STARD13: variants seen among roughly 807,000 people sequenced by gnomAD.
STARD13 encodes the protein stAR-related lipid transfer protein 13.
A neutral mutation model predicts 106.4 loss-of-function variants in STARD13; 62 were observed. That is an observed-to-expected ratio of 0.58 (90% CI 0.48 to 0.72). The LOEUF (loss-of-function observed/expected upper bound fraction) is 0.72. Among genes scored for constraint, STARD13 ranks in the 30% least tolerant of loss-of-function variants. The pLI, the probability that STARD13 is intolerant of heterozygous loss-of-function variation, is 0.00. For missense variants in STARD13, 1,387 were observed against 1,424.0 expected (o/e 0.97, Z 0.42); for synonymous variants, 565 against 553.0 (o/e 1.02, Z -0.31).
intron 5 of STARD13, among the ~76,000 whole-genome samples, chr13:33,128,375 C>G (rs1322487395): frequency 6.6e-6 from 1 of 152,192 alleles, no homozygotes; most frequent in Non-Finnish European, 1.5e-5. Flanking sequence ...ACCCTTGCCT[C>G]AACCAGAAAC....
chr13:33,379,931 A>C, the STARD13 span, among the ~76,000 whole-genome samples: 2 of 152,234 alleles, frequency 1.3e-5, no homozygotes, highest in Admixed American at 6.5e-5. Flanking sequence ...CTAAGGATGA[A>C]AAATGAATAT....
intron 1 of STARD13, among the ~76,000 whole-genome samples, chr13:33,284,843 C>T (rs906121121): frequency 6.6e-6 from 1 of 151,936 alleles, no homozygotes; most frequent in Non-Finnish European, 1.5e-5. Context: ...ATTCTCTTCT[C>T]TTTGCATTAG....
chr13:33,475,756 G>C, the STARD13 span, among the ~76,000 whole-genome samples: 1 of 152,118 alleles, frequency 6.6e-6, no homozygotes, highest in Non-Finnish European at 1.5e-5. Flanking sequence ...AAGAGATCAA[G>C]ACCATCCTGG....
chr13:33,598,126 C>A, the STARD13 span, among the ~76,000 whole-genome samples: 1 of 152,160 alleles, frequency 6.6e-6, no homozygotes, highest in East Asian at 1.9e-4. Context: ...ACCCTAATGT[C>A]AATGTCCTTT....
chr13:33,129,704 A>G lies in STARD13; in HGVS notation c.973T>C (p.Cys325Arg), dbSNP rs148607259. The G allele has an allele frequency of 6.8e-6, 11 of 1,614,114 alleles. No homozygotes were observed. Among genetic ancestry groups the G allele is most frequent in the East Asian group, 2.2e-5 (1 of 44,884 alleles). Residue 325 changes from cysteine (C) to arginine (R), a missense_variant, in exon 5 of 14, where the codon TGC (cysteine) becomes CGC (arginine). By Grantham distance (180) the Cys-to-Arg change is radical (BLOSUM62 -3). Transcript: ENST00000336934. ...CTCTCGCCACTCGACTTGCCAGAGC[A>G]TGGGAGCCCTTTTCTGCAGGCAGGT... ...PPPACRKGLP[C>R]SGKSSGESSP...
At chr13:33,308,520 C>CTTTTTTTTTTTTTTTCTTTTT (rs1893004253) in intron 1 of STARD13, among the ~76,000 whole-genome samples, 1 of 88,554 alleles carries the variant, frequency 1.1e-5, no homozygotes, top group Non-Finnish European at 2.1e-5. Flanking sequence ...CTTTTTCTTT[C>CTTTTTTTTTTTTTTTCTTTTT]TTTTTTTTTT....
At chr13:33,548,652 TAAG>T in the STARD13 span, among the ~76,000 whole-genome samples, 28 of 152,270 alleles carry the variant, frequency 1.8e-4, no homozygotes, top group Non-Finnish European at 3.4e-4. Flanking sequence ...CAGGAATGCT[TAAG>T]AAGATTATAC....
chr13:33,257,594 G>GA (rs1395482219), intron 1 of STARD13, among the ~76,000 whole-genome samples: 1 of 151,760 alleles, frequency 6.6e-6, no homozygotes, highest in African/African-American at 2.4e-5. Flanking sequence ...AGGCAGATTT[G>GA]AAAAAAATGT....
At chr13:33,613,951 A>G in the STARD13 span, among the ~76,000 whole-genome samples, 32 of 152,158 alleles carry the variant, frequency 2.1e-4, no homozygotes, top group African/African-American at 7.2e-4. Flanking sequence ...TGAGATTACA[A>G]AGAAACACAC....
chr13:33,202,382 C>T (rs936302818), intron 1 of STARD13, among the ~76,000 whole-genome samples: 1 of 152,198 alleles, frequency 6.6e-6, no homozygotes, highest in Non-Finnish European at 1.5e-5. Context: ...TACCAGGGTT[C>T]TGTCCCAGAA....
the STARD13 span, among the ~76,000 whole-genome samples, chr13:33,446,676 G>A: frequency 4.6e-5 from 7 of 152,092 alleles, no homozygotes; most frequent in African/African-American, 1.7e-4. Flanking sequence ...TTTGGTGTAT[G>A]TATATTAGCG....
chr13:33,187,842 C>T (rs1885913593), intron 1 of STARD13, among the ~76,000 whole-genome samples: 1 of 152,028 alleles, frequency 6.6e-6, no homozygotes, highest in Admixed American at 6.6e-5. Context: ...GCCACCACAC[C>T]CAGCTAATTT....
intron 1 of STARD13, chr13:33,273,995 C>A (rs1891288384): frequency 6.6e-6 from 1 of 151,922 alleles, no homozygotes; most frequent in Non-Finnish European, 1.5e-5. Context: ...TAATATCGAT[C>A]TTCAAGGGAG....
At chr13:33,650,309 G>A in the STARD13 span, among the ~76,000 whole-genome samples, 1 of 144,706 alleles carries the variant, frequency 6.9e-6, no homozygotes, top group Admixed American at 7.0e-5. Context: ...TCCTGCCTCA[G>A]CCTCCCAAGT....
the STARD13 span, among the ~76,000 whole-genome samples, chr13:33,497,804 G>C: frequency 6.6e-6 from 1 of 152,134 alleles, no homozygotes; most frequent in African/African-American, 2.4e-5. Context: ...GGTGAAGGTG[G>C]AATTAGACGT....
At chr13:33,612,468 C>G in the STARD13 span, among the ~76,000 whole-genome samples, 15 of 152,270 alleles carry the variant, frequency 9.9e-5, no homozygotes, top group East Asian at 2.3e-3. Context: ...GATCCACACT[C>G]AAGATGGGAA....
intron 1 of STARD13, among the ~76,000 whole-genome samples, chr13:33,187,770 C>G (rs1195981291): frequency 2.0e-5 from 3 of 152,118 alleles, no homozygotes; most frequent in African/African-American, 7.2e-5. Context: ...GTAACCTCCG[C>G]CTCCCAGGTT....
At chr13:33,320,860 T>C (rs555258980) in intron 1 of STARD13, among the ~76,000 whole-genome samples, 5 of 152,258 alleles carry the variant, frequency 3.3e-5, no homozygotes, top group South Asian at 2.1e-4. Context: ...GAAAACTATA[T>C]TGACACATTT....
the STARD13 span, among the ~76,000 whole-genome samples, chr13:33,649,489 T>G: frequency 8.1e-3 from 1,232 of 152,322 alleles, 18 homozygotes; most frequent in African/African-American, 0.027. Flanking sequence ...TTTTAGTGTT[T>G]ATAATTTACT....
Sources: gnomAD v4.1 joint callset for allele counts (sites outside exome capture counted in the v4.1 genomes callset) on GRCh38, gnomAD v4.1.1 for gene constraint, MANE v1.5 for transcripts, NCBI Gene and HGNC (gene_info 2026-07-23, HGNC 2026-07-21) for gene names.